Variants in TENM4 observed in about 807,000 individuals in gnomAD.
The protein encoded by TENM4 is teneurin-4.
In TENM4, 82 loss-of-function variants were observed where a neutral mutation model predicts 243.3. The observed-to-expected ratio is 0.34, with a 90% CI of 0.28 to 0.40. The LOEUF (loss-of-function observed/expected upper bound fraction) is 0.40. Among genes scored for constraint, TENM4 ranks in the 10% least tolerant of loss-of-function variants. TENM4 has a pLI of 1.00. For synonymous variants in TENM4, 1,412 were observed against 1,456.3 expected (o/e 0.97, Z 0.69); for missense variants, 3,138 against 3,673.3 (o/e 0.85, Z 3.77).
At chr11:79,222,104 C>G (rs1461478205) in intron 2 of TENM4, among the ~76,000 whole-genome samples, 1 of 152,212 alleles carries the variant, frequency 6.6e-6, no homozygotes, top group African/African-American at 2.4e-5. Context: ...AAATCTGAAC[C>G]TTATGTTCAG....
At chr11:78,979,388 G>A (rs1857738948) in intron 6 of TENM4, among the ~76,000 whole-genome samples, 1 of 152,216 alleles carries the variant, frequency 6.6e-6, no homozygotes, top group South Asian at 2.1e-4. Context: ...GCTGTGAGAG[G>A]CAAACACAAA....
At chr11:79,303,401 C>T (rs2135401808) in intron 1 of TENM4, among the ~76,000 whole-genome samples, 1 of 152,304 alleles carries the variant, frequency 6.6e-6, no homozygotes, top group Middle Eastern at 3.4e-3. Context: ...TGGGTTGCTG[C>T]AGTGCTTATG....
intron 10 of TENM4, 69 bp downstream of exon 10, chr11:78,862,893 T>C: frequency 7.6e-7 from 1 of 1,312,796 alleles, no homozygotes. Context: ...TGCACGCACG[T>C]TATGGAGGGC....
chr11:79,066,175 A>AAATGGGG (rs1324373910), intron 5 of TENM4, among the ~76,000 whole-genome samples: 2 of 152,184 alleles, frequency 1.3e-5, no homozygotes, highest in Non-Finnish European at 2.9e-5. Context: ...TGCAAGTTCA[A>AAATGGGG]AATGGGGAGA....
chr11:79,237,658 C>A (rs561402616), intron 2 of TENM4, among the ~76,000 whole-genome samples: 46 of 152,282 alleles, frequency 3.0e-4, no homozygotes, highest in African/African-American at 1.1e-3. Flanking sequence ...GCCTGGGCAA[C>A]AGAGCGAGAC....
At chr11:79,028,035 T>A (rs916240309) in intron 6 of TENM4, among the ~76,000 whole-genome samples, 1 of 152,112 alleles carries the variant, frequency 6.6e-6, no homozygotes, top group African/African-American at 2.4e-5. Context: ...TGGTTAAAGG[T>A]CTGTTAGGCC....
intron 9 of TENM4, among the ~76,000 whole-genome samples, chr11:78,874,657 T>C (rs1859220597): frequency 6.6e-6 from 1 of 152,154 alleles, no homozygotes; most frequent in African/African-American, 2.4e-5. Context: ...TCCTACTCCA[T>C]CTCCTCTCAA....
rs575697835 is a variant in TENM4 at position 79,107,881 on chromosome 11, G to C, written c.-65-37872C>G. ...CTGGATTGGGAAAATCAGATAACTTGTCTGAGGCCACACAGCCAGCTAAGT... is the reference window on the plus strand; with the variant it reads ...CTGGATTGGGAAAATCAGATAACTTCTCTGAGGCCACACAGCCAGCTAAGT... On this transcript the variant is annotated intron_variant, in intron 4 of 33. Transcript: ENST00000278550. Among the ~76,000 whole-genome samples the C allele has an allele frequency of 4.6e-3, 700 of 152,326 alleles. 5 individuals carry two copies. The highest frequency in any genetic ancestry group is 8.5e-3 in the Non-Finnish European group (577 of 68,024).
rs1328563039 is a variant in TENM4, at chr11:79,069,839, G to T, written c.106C>A (p.Gln36Lys). 6.4e-7 allele frequency: 1 copy of T among 1,550,764 alleles called. No individual in the cohort carries two copies. The highest frequency in any genetic ancestry group is 2.4e-5 in the East Asian group (1 of 40,912). The change falls in exon 5 of 34, where the codon CAG (glutamine) becomes AAG (lysine). Residue 36 changes from glutamine (Q) to lysine (K), a missense_variant. By Grantham distance (53) the Gln-to-Lys change is moderately conservative. Around this residue, in one of 2 missense-constraint regions of TENM4, gnomAD observed 671 missense variants for 614.1 expected, o/e 1.09. Transcript: ENST00000278550. The stretch of plus-strand genomic sequence containing the variant: ...GTCTCGCTGGAGCTGTACGATTTCT[G>T]CGGGGCTTTGCCCTCCTCGCTGTCC... ...SADSEEGKAPQKSYSSSETLK... is the reference protein window; with the variant it reads ...SADSEEGKAPKKSYSSSETLK...
intron 1 of TENM4, among the ~76,000 whole-genome samples, chr11:79,351,435 T>C (rs1040212223): frequency 1.3e-5 from 2 of 152,118 alleles, no homozygotes; most frequent in Non-Finnish European, 1.5e-5. Context: ...GCCAGGAACG[T>C]TGGCTCACAC....
intron 15 of TENM4, among the ~76,000 whole-genome samples, chr11:78,800,663 C>A (rs554017726): frequency 1.3e-5 from 2 of 152,052 alleles, no homozygotes; most frequent in East Asian, 3.9e-4. Flanking sequence ...ATGCAATAAT[C>A]ACCAAGAACC....
chr11:79,111,319 G>A (rs1861500480), intron 4 of TENM4, among the ~76,000 whole-genome samples: 1 of 152,154 alleles, frequency 6.6e-6, no homozygotes, highest in Non-Finnish European at 1.5e-5. Context: ...GCCGAGGTGG[G>A]TAGATTACAA....
intron 15 of TENM4, among the ~76,000 whole-genome samples, chr11:78,798,794 G>A (rs1026885116): frequency 6.6e-6 from 1 of 152,048 alleles, no homozygotes; most frequent in African/African-American, 2.4e-5. Flanking sequence ...TCCCCTTTCA[G>A]GGTCTGGCTC....
intron 6 of TENM4, among the ~76,000 whole-genome samples, chr11:79,035,318 C>T (rs1859349484): frequency 6.6e-6 from 1 of 152,308 alleles, no homozygotes. Flanking sequence ...GTATCCCAAA[C>T]ATTACCTTGT....
At chr11:79,170,091 G>A (rs113980635) in intron 3 of TENM4, among the ~76,000 whole-genome samples, 1,533 of 152,140 alleles carry the variant, frequency 0.01, 11 homozygotes, top group Non-Finnish European at 0.017. Context: ...TGAACCCTGT[G>A]ATATGTTGGG....
At position 78,702,237 on chromosome 11, in the gene TENM4, C is replaced by T. The variant is rs370520099; in HGVS notation, c.4376G>A (p.Ser1459Asn). Residue 1459 changes from serine (S) to asparagine (N), a missense_variant, in exon 28 of 34, where the codon AGC becomes AAC. Transcript: ENST00000278550. ...QVPGIDHFLL[S>N]KVAIHATLES... ...CAGGGTTGCGTGGATGGCCACCTTG[C>T]TTAGCAGGAAGTGGTCAATGCCAGG... The T allele has an allele frequency of 3.7e-6, 6 of 1,613,934 alleles. No individual in the cohort carries two copies. In the African/African-American group the frequency reaches 4.0e-5, roughly 11 times the overall value.
chr11:78,899,214 C>T (rs1220451007), intron 7 of TENM4, among the ~76,000 whole-genome samples: 3 of 152,076 alleles, frequency 2.0e-5, no homozygotes, highest in African/African-American at 4.8e-5. Flanking sequence ...AGCACAATTA[C>T]CCTGCTAGGA....
At chr11:79,123,765 T>G (rs902555142) in intron 4 of TENM4, among the ~76,000 whole-genome samples, 1 of 152,042 alleles carries the variant, frequency 6.6e-6, no homozygotes, top group African/African-American at 2.4e-5. Context: ...GGCCATTCTC[T>G]AGGATGAACT....
intron 3 of TENM4, among the ~76,000 whole-genome samples, chr11:79,173,222 T>C (rs1173323653): frequency 2.0e-5 from 3 of 152,246 alleles, no homozygotes; most frequent in East Asian, 3.8e-4. Flanking sequence ...GTCACACTTA[T>C]GTCACCGTTG....
Sources: allele counts gnomAD v4.1 joint callset (sites outside exome capture counted in the v4.1 genomes callset), GRCh38; gene constraint gnomAD v4.1.1; regional missense constraint gnomAD v4.1.1; transcripts MANE v1.5; gene names NCBI Gene and HGNC (gene_info 2026-07-23, HGNC 2026-07-21).